The following MACROD2 variants were observed in gnomAD, a reference collection of about 807,000 sequenced individuals.
The protein encoded by MACROD2 is ADP-ribose glycohydrolase MACROD2.
MACROD2 carries 36 observed loss-of-function variants against 70.4 expected under a neutral mutation model. The ratio of observed to expected loss-of-function variants is 0.51; its 90% CI spans 0.39 to 0.68. The LOEUF is 0.68. MACROD2 is among the 30% of genes least tolerant of loss of function. MACROD2 has a pLI of 0.00. For missense variants in MACROD2, 496 were observed against 538.4 expected, an observed-to-expected ratio of 0.92 and a Z score of 0.78; for synonymous variants, 172 against 178.8, an observed-to-expected ratio of 0.96 and a Z score of 0.30.
chr20:15,083,651 A>G (rs1411702158), intron 5 of MACROD2, among the ~76,000 whole-genome samples: 1 of 151,862 alleles, frequency 6.6e-6, no homozygotes, highest in African/African-American at 2.4e-5. Context: ...TGTAAAATGT[A>G]ATGGTTGGTA....
chr20:15,206,433 A>G (rs2076702820), intron 5 of MACROD2, among the ~76,000 whole-genome samples: 1 of 152,212 alleles, frequency 6.6e-6, no homozygotes, highest in Admixed American at 6.5e-5. Context: ...TAAAATTTAC[A>G]GAATAAAATG....
intron 6 of MACROD2, among the ~76,000 whole-genome samples, chr20:15,418,550 G>C (rs971539058): frequency 6.6e-5 from 10 of 152,244 alleles, no homozygotes; most frequent in Middle Eastern, 3.4e-3. Context: ...TGGTTGGTTG[G>C]TGTGAATAGA....
intron 2 of MACROD2, among the ~76,000 whole-genome samples, chr20:14,046,109 C>A (rs1025507698): frequency 1.5e-4 from 23 of 152,230 alleles, no homozygotes; most frequent in African/African-American, 5.5e-4. Context: ...AAGTGTGAAT[C>A]ATTAAACTGA....
intron 8 of MACROD2, among the ~76,000 whole-genome samples, chr20:15,622,053 A>T (rs1160137661): frequency 6.6e-6 from 1 of 152,170 alleles, no homozygotes; most frequent in Non-Finnish European, 1.5e-5. Context: ...GCTCAGGTGG[A>T]TGCACACTGA....
intron 6 of MACROD2, among the ~76,000 whole-genome samples, chr20:15,245,591 A>G (rs1350584323): frequency 6.6e-6 from 1 of 152,182 alleles, no homozygotes; most frequent in Admixed American, 6.5e-5. Context: ...TGAGAAAGTT[A>G]TATGCATTCA....
At chr20:15,051,224 A>C (rs555345813) in intron 5 of MACROD2, among the ~76,000 whole-genome samples, 1 of 152,160 alleles carries the variant, frequency 6.6e-6, no homozygotes, top group Non-Finnish European at 1.5e-5. Context: ...AAATGAACAG[A>C]GTCATTTTTG....
At chr20:14,144,719 G>A (rs1474986179) in intron 3 of MACROD2, among the ~76,000 whole-genome samples, 1 of 152,092 alleles carries the variant, frequency 6.6e-6, no homozygotes, top group Non-Finnish European at 1.5e-5. Context: ...TTCCTTCAGC[G>A]ACCTTTAGAA....
chr20:14,500,826 G>A (rs1232282509), intron 4 of MACROD2, among the ~76,000 whole-genome samples: 1 of 152,142 alleles, frequency 6.6e-6, no homozygotes, highest in Non-Finnish European at 1.5e-5. Flanking sequence ...CCTGAACCTG[G>A]AAGTGTGTAT....
intron 8 of MACROD2, among the ~76,000 whole-genome samples, chr20:15,512,294 G>C (rs1216011526): frequency 6.6e-6 from 1 of 152,226 alleles, no homozygotes; most frequent in African/African-American, 2.4e-5. Context: ...GACAGCTTTT[G>C]TGGCACCCTG....
chr20:15,111,264 C>A (rs964189768), intron 5 of MACROD2, among the ~76,000 whole-genome samples: 3 of 151,722 alleles, frequency 2.0e-5, no homozygotes, highest in Non-Finnish European at 4.4e-5. Context: ...ACTCTGCCAC[C>A]TGGGTTCAAG....
chr20:14,895,778 T>C (rs1568860339), intron 5 of MACROD2, among the ~76,000 whole-genome samples: 3 of 152,144 alleles, frequency 2.0e-5, no homozygotes, highest in South Asian at 2.1e-4. Context: ...TAACTTATTA[T>C]CTCAGGTTAG....
intron 5 of MACROD2, among the ~76,000 whole-genome samples, chr20:14,782,666 C>A (rs751211523): frequency 3.3e-5 from 5 of 152,088 alleles, no homozygotes; most frequent in Non-Finnish European, 5.9e-5. Context: ...TTTCAGAGAC[C>A]TCCACAGGGT....
At chr20:15,855,489 G>A (rs1293782958) in intron 8 of MACROD2, among the ~76,000 whole-genome samples, 1 of 152,094 alleles carries the variant, frequency 6.6e-6, no homozygotes, top group Non-Finnish European at 1.5e-5. Flanking sequence ...TTTGATTGTT[G>A]ACCAAGAGAG....
At chr20:15,607,650 C>T (rs959523038) in intron 8 of MACROD2, among the ~76,000 whole-genome samples, 7 of 152,198 alleles carry the variant, frequency 4.6e-5, no homozygotes, top group East Asian at 1.9e-4. Flanking sequence ...TCTCCCACCT[C>T]GGCCTCCTGA....
At chr20:14,827,591 A>G (rs1265142064) in intron 5 of MACROD2, among the ~76,000 whole-genome samples, 4 of 151,758 alleles carry the variant, frequency 2.6e-5, no homozygotes, top group Non-Finnish European at 5.9e-5. Flanking sequence ...GAAGTTTGAA[A>G]TTTTCTTTTG....
intron 3 of MACROD2, among the ~76,000 whole-genome samples, chr20:14,466,851 T>C (rs530746558): frequency 1.3e-5 from 2 of 152,162 alleles, no homozygotes; most frequent in African/African-American, 4.8e-5. Flanking sequence ...GAACAGCAGA[T>C]ATTGGTGAAC....
intron 5 of MACROD2, among the ~76,000 whole-genome samples, chr20:14,853,581 T>G (rs1220042581): frequency 6.6e-6 from 1 of 152,128 alleles, no homozygotes; most frequent in Non-Finnish European, 1.5e-5. Flanking sequence ...TCACAACCCA[T>G]TCTTAGGTCA....
chr20:14,278,804 C>T (rs757033783), intron 3 of MACROD2, among the ~76,000 whole-genome samples: 4 of 151,924 alleles, frequency 2.6e-5, no homozygotes, highest in Non-Finnish European at 5.9e-5. Context: ...ATGAGTACAT[C>T]AGAAAAAATA....
At chr20:14,390,169 A>C (rs1415362715) in intron 3 of MACROD2, among the ~76,000 whole-genome samples, 1 of 152,212 alleles carries the variant, frequency 6.6e-6, no homozygotes, top group African/African-American at 2.4e-5. Flanking sequence ...AGAATAAAAT[A>C]CTAGAAATAC....
Sources: allele counts gnomAD v4.1 joint callset (sites outside exome capture counted in the v4.1 genomes callset), GRCh38; gene constraint gnomAD v4.1.1; transcripts MANE v1.5; gene names NCBI Gene and HGNC (gene_info 2026-07-23, HGNC 2026-07-21).